The following ADAM32 variants were observed in gnomAD, a reference collection of about 807,000 sequenced individuals.
ADAM32 encodes disintegrin and metalloproteinase domain-containing protein 32.
In ADAM32, 89 loss-of-function variants were observed where a neutral mutation model predicts 114.9. The observed-to-expected ratio is 0.77, with a 90% confidence interval of 0.65 to 0.92. ADAM32 has a LOEUF of 0.92. Ranked by LOEUF, ADAM32 falls within the 40% of genes least tolerant of loss-of-function variation. The probability of loss-of-function intolerance (pLI) is 0.00; values close to 1 mark genes in which losing one functional copy is unlikely to be tolerated. For synonymous variants in ADAM32, 285 were observed against 307.5 expected, an observed-to-expected ratio of 0.93 and a Z score of 0.77; for missense variants, 870 against 932.8, an observed-to-expected ratio of 0.93 and a Z score of 0.88.
intron 2 of ADAM32, among the ~76,000 whole-genome samples, chr8:39,131,834 A>G (rs186874114): frequency 1.3e-5 from 2 of 152,058 alleles, no homozygotes; most frequent in African/African-American, 4.8e-5. Flanking sequence ...TTTATTTTCA[A>G]CCTATTTGTG....
chr8:39,191,417 ATTG>A (rs1806598137), intron 11 of ADAM32, among the ~76,000 whole-genome samples: 1 of 152,080 alleles, frequency 6.6e-6, no homozygotes, highest in Non-Finnish European at 1.5e-5. Flanking sequence ...AGCATCTGTT[ATTG>A]TTTGACTTTT....
At chr8:39,236,972 C>G (rs572263368) in intron 16 of ADAM32, among the ~76,000 whole-genome samples, 1 of 152,092 alleles carries the variant, frequency 6.6e-6, no homozygotes, top group Non-Finnish European at 1.5e-5. Flanking sequence ...AATTCACAGA[C>G]CCTTCAAAAG....
At chr8:39,239,760 G>A (rs747896011) in intron 16 of ADAM32, among the ~76,000 whole-genome samples, 1 of 152,150 alleles carries the variant, frequency 6.6e-6, no homozygotes, top group Non-Finnish European at 1.5e-5. Flanking sequence ...GACATGTAAA[G>A]TGAGCAGGAG....
intron 1 of ADAM32, among the ~76,000 whole-genome samples, chr8:39,112,672 C>T (rs985279076): frequency 3.3e-5 from 5 of 152,160 alleles, no homozygotes; most frequent in Non-Finnish European, 7.4e-5. Context: ...TGAAATGCCA[C>T]ATTTAGTAGA....
rs1459651567 is a variant in ADAM32, at chr8:39,214,865, A to G, written c.1233+3541A>G. On this transcript the variant is annotated intron_variant, in intron 12 of 24. Transcript: ENST00000379907. ...TACTACATTTTCATTTGATTTTTGT[A>G]TATGGTGAGAGGGAGGGGTCTAGTT... is the stretch of plus-strand genomic sequence containing the variant. 2.0e-5 allele frequency among the ~76,000 whole-genome samples: 3 copies of G among 152,180 alleles called. No homozygotes were observed. The South Asian group carries it at 6.2e-4, about 32-fold the overall frequency.
chr8:39,204,353 ACTT>A (rs1487246524), intron 11 of ADAM32, among the ~76,000 whole-genome samples: 3 of 151,780 alleles, frequency 2.0e-5, no homozygotes, highest in African/African-American at 7.3e-5. Flanking sequence ...TTTTCTCTAA[ACTT>A]CTTTCTCGCT....
At position 39,107,806 on chromosome 8, in the gene ADAM32, C is replaced by T. The variant is rs1345287633; in HGVS notation, c.31C>T (p.Leu11Phe). 3.2e-6 allele frequency: 5 copies of T among 1,549,172 alleles called. No individual in the cohort carries two copies. The highest frequency in any genetic ancestry group is 4.4e-6 in the Non-Finnish European group (5 of 1,146,158). MFRLWLLLAG[L>F]CGLLASRPGF... ...CCGCCTCTGGTTGCTGCTGGCCGGG[C>T]TCTGCGGCCTCCTGGCGTCAAGACC... Residue 11 changes from leucine (L) to phenylalanine (F), a missense_variant, in exon 1 of 25, where the codon CTC (leucine) becomes TTC (phenylalanine). Physicochemically the swap from Leu to Phe is conservative, Grantham distance 22 (BLOSUM62 0). Coordinates refer to ENST00000379907, the MANE Select transcript of ADAM32 (RefSeq NM_145004.7).
chr8:39,257,364 G>A, intron 19 of ADAM32, 21 bp downstream of exon 19: 1 of 1,612,234 alleles, frequency 6.2e-7, no homozygotes, highest in South Asian at 1.1e-5. Context: ...TTTGTGTTCT[G>A]AAGTTAAACA....
At chr8:39,247,637 C>T (rs1357911172) in intron 17 of ADAM32, among the ~76,000 whole-genome samples, 2 of 151,962 alleles carry the variant, frequency 1.3e-5, no homozygotes, top group Non-Finnish European at 2.9e-5. Flanking sequence ...CATTCTGTGG[C>T]TTATCTTTTT....
At chr8:39,249,527 C>T in intron 17 of ADAM32, among the ~76,000 whole-genome samples, 1 of 152,140 alleles carries the variant, frequency 6.6e-6, no homozygotes, top group Middle Eastern at 3.4e-3. Context: ...GAGGAAGTAT[C>T]CCCTCTGCTT....
chr8:39,114,344 C>T (rs1840288243), intron 1 of ADAM32, among the ~76,000 whole-genome samples: 1 of 152,214 alleles, frequency 6.6e-6, no homozygotes, highest in African/African-American at 2.4e-5. Flanking sequence ...TGGCAAGGTC[C>T]TTCCTAAAGA....
intron 2 of ADAM32, among the ~76,000 whole-genome samples, chr8:39,121,108 G>A (rs1196615940): frequency 6.6e-6 from 1 of 152,168 alleles, no homozygotes; most frequent in Admixed American, 6.5e-5. Context: ...TTTAAAATGA[G>A]AAATGATGTT....
chr8:39,153,830 C>CT (rs1803985378), intron 6 of ADAM32, among the ~76,000 whole-genome samples: 2 of 152,044 alleles, frequency 1.3e-5, no homozygotes, highest in Non-Finnish European at 2.9e-5. Context: ...TTTTCACATA[C>CT]TTATTTTACA....
intron 1 of ADAM32, among the ~76,000 whole-genome samples, chr8:39,108,642 T>A (rs1009907525): frequency 3.3e-5 from 5 of 152,142 alleles, no homozygotes; most frequent in African/African-American, 9.7e-5. Context: ...CAGAATAGTA[T>A]GTAATAAGAG....
chr8:39,239,653 C>G (rs1394805193), intron 16 of ADAM32, among the ~76,000 whole-genome samples: 1 of 152,116 alleles, frequency 6.6e-6, no homozygotes, highest in Non-Finnish European at 1.5e-5. Flanking sequence ...AATAATTCAC[C>G]AAACAGGTAT....
At chr8:39,249,579 T>C (rs557077345) in intron 17 of ADAM32, among the ~76,000 whole-genome samples, 8 of 152,210 alleles carry the variant, frequency 5.3e-5, no homozygotes, top group Non-Finnish European at 8.8e-5. Flanking sequence ...AGAAAATTGG[T>C]ATAATTTCTC....
At chr8:39,200,565 C>T (rs1807330651) in intron 11 of ADAM32, among the ~76,000 whole-genome samples, 1 of 152,156 alleles carries the variant, frequency 6.6e-6, no homozygotes, top group African/African-American at 2.4e-5. Context: ...TTCTCCCATT[C>T]TGTAGGTTGC....
chr8:39,254,539 A>C, intron 18 of ADAM32, 23 bp downstream of exon 18: 1 of 1,487,386 alleles, frequency 6.7e-7, no homozygotes, highest in Non-Finnish European at 9.1e-7. Flanking sequence ...CTCTTTAAAT[A>C]CCCATTTAAT....
chr8:39,271,695 C>T (rs1812742497), intron 20 of ADAM32, among the ~76,000 whole-genome samples: 1 of 151,864 alleles, frequency 6.6e-6, no homozygotes, highest in Non-Finnish European at 1.5e-5. Context: ...ATATAAAAGA[C>T]CAGTTAAGAA....
Sources: allele counts gnomAD v4.1 joint callset (sites outside exome capture counted in the v4.1 genomes callset), GRCh38; gene constraint gnomAD v4.1.1; transcripts MANE v1.5; gene names NCBI Gene and HGNC (gene_info 2026-07-23, HGNC 2026-07-21).